Variants in CNTN5 observed in about 807,000 individuals in gnomAD.
The protein encoded by CNTN5 is contactin 5, also known as contactin-5.
A neutral mutation model predicts 129.1 loss-of-function variants in CNTN5; 77 were observed. The ratio of observed to expected loss-of-function variants is 0.60; its 90% CI spans 0.50 to 0.72. The LOEUF is 0.72. Ranked by LOEUF, CNTN5 falls within the 30% of genes least tolerant of loss-of-function variation. The probability of loss-of-function intolerance (pLI) is 0.00; values close to 1 mark genes in which losing one functional copy is unlikely to be tolerated. For missense variants in CNTN5, 1,478 were observed against 1,328.8 expected, an observed-to-expected ratio of 1.11 and a Z score of -1.75; for synonymous variants, 509 against 465.6, an observed-to-expected ratio of 1.09 and a Z score of -1.20.
At chr11:99,290,799 T>C (rs1163457057) in intron 1 of CNTN5, among the ~76,000 whole-genome samples, 3 of 151,904 alleles carry the variant, frequency 2.0e-5, no homozygotes, top group Non-Finnish European at 2.9e-5. Flanking sequence ...TAACTGCTTC[T>C]TCCAGTAATC....
At chr11:99,131,444 T>A (rs576373238) in intron 1 of CNTN5, among the ~76,000 whole-genome samples, 16 of 151,490 alleles carry the variant, frequency 1.1e-4, no homozygotes, top group Admixed American at 9.9e-4. Context: ...CAAAAAACCC[T>A]TCAAAAATTA....
At chr11:99,129,897 T>G (rs1027559531) in intron 1 of CNTN5, among the ~76,000 whole-genome samples, 1 of 152,266 alleles carries the variant, frequency 6.6e-6, no homozygotes, top group Non-Finnish European at 1.5e-5. Flanking sequence ...AAAATCCTTT[T>G]CAGGCAAGCA....
chr11:99,755,446 G>A (rs1215530196), intron 3 of CNTN5, among the ~76,000 whole-genome samples: 1 of 151,966 alleles, frequency 6.6e-6, no homozygotes, highest in Non-Finnish European at 1.5e-5. Context: ...GCGTCCCATT[G>A]TTGTTTTACT....
chr11:99,083,705 AT>A (rs899472728), intron 1 of CNTN5, among the ~76,000 whole-genome samples: 2 of 152,206 alleles, frequency 1.3e-5, no homozygotes, highest in African/African-American at 4.8e-5. Flanking sequence ...AATATACAAC[AT>A]TTTTAGTGGA....
intron 2 of CNTN5, among the ~76,000 whole-genome samples, chr11:99,369,214 T>TAGA (rs1379720731): frequency 1.7e-5 from 1 of 57,282 alleles, no homozygotes; most frequent in African/African-American, 6.4e-5. Flanking sequence ...ATATATTATA[T>TAGA]ATAATATATA....
At chr11:100,138,267 G>A (rs1012360435) in intron 13 of CNTN5, among the ~76,000 whole-genome samples, 5 of 148,768 alleles carry the variant, frequency 3.4e-5, no homozygotes, top group Non-Finnish European at 5.9e-5. Context: ...AAAATGAACC[G>A]ATACCAAACA....
chr11:99,517,121 T>G (rs1362514910), intron 2 of CNTN5, among the ~76,000 whole-genome samples: 3 of 152,058 alleles, frequency 2.0e-5, no homozygotes, highest in Admixed American at 1.3e-4. Flanking sequence ...ATAGACAGGT[T>G]TTATCTCTCT....
intron 1 of CNTN5, among the ~76,000 whole-genome samples, chr11:99,119,872 G>C (rs1204035702): frequency 1.3e-5 from 2 of 152,070 alleles, no homozygotes; most frequent in Non-Finnish European, 2.9e-5. Flanking sequence ...TTTTTCTAAT[G>C]ATCAGTGATA....
chr11:99,219,778 T>C (rs1045934848), intron 1 of CNTN5, among the ~76,000 whole-genome samples: 1 of 151,720 alleles, frequency 6.6e-6, no homozygotes, highest in African/African-American at 2.4e-5. Flanking sequence ...GTAGAGGGTA[T>C]GGGGAAAGGA....
chr11:99,065,837 T>C (rs952266553), intron 1 of CNTN5, among the ~76,000 whole-genome samples: 2 of 152,268 alleles, frequency 1.3e-5, no homozygotes, highest in African/African-American at 4.8e-5. Flanking sequence ...ATACAGTGAA[T>C]GTTGGACACA....
chr11:100,354,722 C>T (rs139596827), intron 24 of CNTN5, among the ~76,000 whole-genome samples: 30 of 151,702 alleles, frequency 2.0e-4, no homozygotes, highest in African/African-American at 6.3e-4. Flanking sequence ...TTACTATACA[C>T]CTAAGGCATA....
At chr11:99,524,814 A>C (rs1565260291) in intron 2 of CNTN5, among the ~76,000 whole-genome samples, 1 of 151,434 alleles carries the variant, frequency 6.6e-6, no homozygotes, top group Non-Finnish European at 1.5e-5. Flanking sequence ...AAAAAAAACA[A>C]AAAAAAAGTG....
intron 1 of CNTN5, among the ~76,000 whole-genome samples, chr11:99,090,975 T>A (rs1315111074): frequency 7.1e-4 from 91 of 127,966 alleles, no homozygotes; most frequent in African/African-American, 2.8e-3. Flanking sequence ...TGAGCCGAGA[T>A]CGTGCCACTG....
At chr11:99,831,818 A>G (rs1418150124) in intron 4 of CNTN5, among the ~76,000 whole-genome samples, 1 of 152,188 alleles carries the variant, frequency 6.6e-6, no homozygotes, top group Non-Finnish European at 1.5e-5. Context: ...GAGTCAGCTC[A>G]TGAGGCACCT....
At chr11:99,073,556 C>G (rs950449871) in intron 1 of CNTN5, among the ~76,000 whole-genome samples, 1 of 151,806 alleles carries the variant, frequency 6.6e-6, no homozygotes, top group East Asian at 1.9e-4. Flanking sequence ...CTTGTCCCCC[C>G]ATCCCCTGAC....
chr11:99,785,879 C>G (rs921028700), intron 3 of CNTN5, among the ~76,000 whole-genome samples: 1 of 152,106 alleles, frequency 6.6e-6, no homozygotes, highest in South Asian at 2.1e-4. Flanking sequence ...CTATTTATGA[C>G]AAACTCACAG....
intron 1 of CNTN5, among the ~76,000 whole-genome samples, chr11:99,182,367 C>T (rs1419026290): frequency 1.3e-5 from 2 of 152,132 alleles, no homozygotes; most frequent in Non-Finnish European, 2.9e-5. Flanking sequence ...CAGTCATGCT[C>T]TGTAGGAATG....
intron 2 of CNTN5, among the ~76,000 whole-genome samples, chr11:99,485,555 T>C (rs1399926941): frequency 1.3e-5 from 2 of 152,084 alleles, no homozygotes; most frequent in Non-Finnish European, 1.5e-5. Flanking sequence ...AGGAACTCTC[T>C]AAACTCTGTA....
At chr11:99,126,903 C>T (rs1940512) in intron 1 of CNTN5, among the ~76,000 whole-genome samples, 27,148 of 152,068 alleles carry the variant, frequency 0.18, 2,920 homozygotes, top group East Asian at 0.41. Context: ...CCTTTCTATA[C>T]ATCACTTTAC....
Sources: allele counts gnomAD v4.1 joint callset (sites outside exome capture counted in the v4.1 genomes callset), GRCh38; gene constraint gnomAD v4.1.1; transcripts MANE v1.5; gene names NCBI Gene and HGNC (gene_info 2026-07-23, HGNC 2026-07-21).